PCDHGA2: variants seen among roughly 807,000 people sequenced by gnomAD.
PCDHGA2 encodes the protein protocadherin gamma subfamily A, 2, also known as protocadherin gamma-A2.
Under a neutral mutation model 59.2 loss-of-function variants are expected in PCDHGA2, and 40 were observed. The ratio of observed to expected loss-of-function variants is 0.68; its 90% CI spans 0.52 to 0.88. PCDHGA2 has a LOEUF of 0.88. PCDHGA2 is among the 40% of genes least tolerant of loss of function. The pLI, the probability that PCDHGA2 is intolerant of heterozygous loss-of-function variation, is 0.00. For synonymous variants in PCDHGA2, 560 were observed against 526.0 expected, an observed-to-expected ratio of 1.06 and a Z score of -0.89; for missense variants, 1,226 against 1,204.0, an observed-to-expected ratio of 1.02 and a Z score of -0.27.
chr5:141,510,420 G>A (rs1275392355), intron 3 of PCDHGA2, among the ~76,000 whole-genome samples: 2 of 152,126 alleles, frequency 1.3e-5, no homozygotes, highest in Non-Finnish European at 2.9e-5. Flanking sequence ...TAAAGCCATG[G>A]TTTCATGGCT....
At chr5:141,462,984 T>G (rs1349170605) in intron 1 of PCDHGA2, among the ~76,000 whole-genome samples, 1 of 152,156 alleles carries the variant, frequency 6.6e-6, no homozygotes, top group African/African-American at 2.4e-5. Context: ...ACTTTTGCCT[T>G]GGGCTAATTT....
intron 1 of PCDHGA2, chr5:141,379,157 G>A (rs962500873): frequency 1.3e-5 from 2 of 152,168 alleles, no homozygotes; most frequent in Non-Finnish European, 2.9e-5. Flanking sequence ...ACCTGACTTT[G>A]TCAGTCTTCT....
rs752412467 is a variant in PCDHGA2 at position 141,405,390 on chromosome 5, TTTTC to T, written c.2424+64007_2424+64010del. On this transcript the variant is annotated intron_variant, in intron 1 of 3. Transcript: ENST00000394576. ...CCTTTGGTTCCGGTGAGTTCATTTTTTTTCTTTCTTTCTTTTCTTTTTTTGTTTT... is the reference window on the plus strand; with the variant it reads ...CCTTTGGTTCCGGTGAGTTCATTTTTTTTCTTTCTTTTCTTTTTTTGTTTT... 1.6e-5 allele frequency: 26 copies of T among 1,600,118 alleles called. No homozygotes were observed. The East Asian group carries it at 1.8e-4, about 11-fold the overall frequency.
At chr5:141,372,234 C>G in intron 1 of PCDHGA2, 1 of 1,613,350 alleles carries the variant, frequency 6.2e-7, no homozygotes, top group Non-Finnish European at 8.5e-7. Context: ...GGCCAGCGAG[C>G]CCGGGCTGTT....
At chr5:141,352,662 C>G in intron 1 of PCDHGA2, 2 of 1,591,142 alleles carry the variant, frequency 1.3e-6, no homozygotes, top group Non-Finnish European at 1.7e-6. Context: ...CCTTCTTTGT[C>G]TTCGCACGTG....
intron 1 of PCDHGA2, chr5:141,361,636 A>C (rs767493690): frequency 3.1e-6 from 5 of 1,613,756 alleles, no homozygotes; most frequent in East Asian, 2.2e-5. Flanking sequence ...GCCGCGGGAG[A>C]TTTTATCCTA....
intron 1 of PCDHGA2, chr5:141,345,523 A>AG (rs1404226327): frequency 6.2e-7 from 1 of 1,614,090 alleles, no homozygotes; most frequent in Non-Finnish European, 8.5e-7. Context: ...GACACTCTCC[A>AG]GGGGGCGCCC....
intron 1 of PCDHGA2, chr5:141,441,810 C>T (rs2098275091): frequency 6.4e-5 from 24 of 372,574 alleles, no homozygotes; most frequent in Middle Eastern, 7.2e-4. Flanking sequence ...GGTGCTGTAC[C>T]CCAGCTCTGG....
At chr5:141,400,802 A>C in intron 1 of PCDHGA2, 1 of 557,534 alleles carries the variant, frequency 1.8e-6, no homozygotes, top group Non-Finnish European at 3.1e-6. Context: ...TCTCAAAGCT[A>C]ATGAATTTTA....
chr5:141,414,778 C>G, intron 1 of PCDHGA2: 5 of 1,614,202 alleles, frequency 3.1e-6, no homozygotes, highest in Non-Finnish European at 3.4e-6. Context: ...GCTACAGATG[C>G]AGGTGACAGC....
intron 1 of PCDHGA2, chr5:141,394,043 G>C (rs1431547996): frequency 6.2e-7 from 1 of 1,613,576 alleles, no homozygotes; most frequent in South Asian, 1.1e-5. Context: ...GGAAATATTT[G>C]GACCGAGAAA....
At chr5:141,510,358 C>T (rs186470331) in intron 3 of PCDHGA2, among the ~76,000 whole-genome samples, 187 of 144,062 alleles carry the variant, frequency 1.3e-3, no homozygotes, top group African/African-American at 4.6e-3. Context: ...ACTAACGGAA[C>T]TACCGAATCT....
chr5:141,430,686 C>G, intron 1 of PCDHGA2: 1 of 1,397,218 alleles, frequency 7.2e-7, no homozygotes, highest in Non-Finnish European at 9.5e-7. Context: ...CTGTCCCATT[C>G]TATGGGCGAA....
chr5:141,456,072 T>C (rs1349808406), intron 1 of PCDHGA2, among the ~76,000 whole-genome samples: 2 of 151,950 alleles, frequency 1.3e-5, no homozygotes, highest in Non-Finnish European at 2.9e-5. Flanking sequence ...TAATTTTTTG[T>C]ATTTTCAGTA....
Position 141,512,106 on chromosome 5 carries a change from T to A in PCDHGA2, c.*933T>A, listed in dbSNP as rs2099884076. 6.6e-6 allele frequency: 1 copy of A among 152,630 alleles called. No homozygotes were observed. Among genetic ancestry groups the A allele is most frequent in the Non-Finnish European group, 1.5e-5 (1 of 68,060 alleles). 9.5% of individuals were successfully genotyped at this position (152,630 alleles called of 1,614,324 possible). On this transcript the variant is annotated 3_prime_UTR_variant, in exon 4 of 4. Transcript: ENST00000394576. ...TAAACCAATAACTAGGCTGGACCCT[T>A]CCCACTACATAATAGGGCTCAGCCC...
intron 1 of PCDHGA2, chr5:141,423,830 G>A (rs527344048): frequency 5.5e-6 from 7 of 1,273,204 alleles, no homozygotes; most frequent in African/African-American, 3.1e-5. Flanking sequence ...CCTTTCATGA[G>A]ATTACGATAA....
chr5:141,451,532 G>T (rs1168984212), intron 1 of PCDHGA2, among the ~76,000 whole-genome samples: 1 of 152,180 alleles, frequency 6.6e-6, no homozygotes, highest in African/African-American at 2.4e-5. Flanking sequence ...AAAGGAGAGT[G>T]CCAGAGAGGG....
chr5:141,374,723 G>T (rs771753373), intron 1 of PCDHGA2: 1 of 1,609,998 alleles, frequency 6.2e-7, no homozygotes, highest in South Asian at 1.1e-5. Context: ...GGTCCTTACT[G>T]CCATGGATGG....
At chr5:141,394,739 C>G (rs377359689) in intron 1 of PCDHGA2, 1 of 1,613,390 alleles carries the variant, frequency 6.2e-7, no homozygotes, top group Non-Finnish European at 8.5e-7. Context: ...AGCAGAGCCT[C>G]GTGGTGGCCG....
Sources: gnomAD v4.1 joint callset for allele counts (sites outside exome capture counted in the v4.1 genomes callset) on GRCh38, gnomAD v4.1.1 for gene constraint, MANE v1.5 for transcripts, NCBI Gene and HGNC (gene_info 2026-07-23, HGNC 2026-07-21) for gene names.